Variants in SEC61A2 observed in about 807,000 individuals in gnomAD.
SEC61A2 encodes the protein SEC61 translocon subunit alpha 2.
In SEC61A2, 28 loss-of-function variants were observed where a neutral mutation model predicts 59.9. The ratio of observed to expected loss-of-function variants is 0.47; its 90% CI spans 0.35 to 0.64. SEC61A2 has a LOEUF of 0.64. SEC61A2 is among the 30% of genes least tolerant of loss of function. SEC61A2 has a pLI of 0.01. For synonymous variants in SEC61A2, 202 were observed against 214.4 expected (o/e 0.94, Z 0.50); for missense variants, 340 against 585.9 (o/e 0.58, Z 4.33).
rs1378510150 is a variant in SEC61A2 at position 12,145,025 on chromosome 10, G to T, written c.220+1830G>T. On this transcript the variant is annotated intron_variant, in intron 4 of 11. Transcript: ENST00000298428. This position sits in a 1 kb window ranked among gnomAD's most constrained non-coding sequence, Gnocchi z 4.4. ...GATCACGCCACTGCACTCTAGCCGGGGCGACACAACCAGACCCTGTCTCAA... is the reference window on the plus strand; with the variant it reads ...GATCACGCCACTGCACTCTAGCCGGTGCGACACAACCAGACCCTGTCTCAA... Among the ~76,000 whole-genome samples, 3 of 152,028 alleles carry T rather than the reference G, an allele frequency of 2.0e-5. No homozygotes were observed. Among genetic ancestry groups the T allele is most frequent in the Non-Finnish European group, 4.4e-5 (3 of 68,002 alleles).
rs1834300216 is a variant in SEC61A2, at chr10:12,152,525, C to T, written c.462+2564C>T. ...CTGTAATTCCAGCACTTTGAGAGGCCGAGATGGGCAGTTCACTTGAGGTCA... is the reference window on the plus strand; with the variant it reads ...CTGTAATTCCAGCACTTTGAGAGGCTGAGATGGGCAGTTCACTTGAGGTCA... On this transcript the variant is annotated intron_variant, in intron 6 of 11. Transcript: ENST00000298428. The surrounding 1 kb of genome is among the most constrained non-coding windows in gnomAD (Gnocchi z 5.5). Among the ~76,000 whole-genome samples, 1 of 151,942 alleles carries T rather than the reference C, an allele frequency of 6.6e-6. No homozygotes were observed. The highest frequency in any genetic ancestry group is 1.5e-5 in the Non-Finnish European group (1 of 67,990).
intron 2 of SEC61A2, 47 bp from the exon 3 acceptor site, chr10:12,136,058 G>T (rs2131645841): frequency 1.5e-6 from 2 of 1,307,200 alleles, no homozygotes; most frequent in Non-Finnish European, 2.2e-6. Context: ...CCAAAAATTT[G>T]CTGTTTCTTG....
At chr10:12,144,300 TGAG>T (rs1834089796) in intron 4 of SEC61A2, among the ~76,000 whole-genome samples, 2 of 152,206 alleles carry the variant, frequency 1.3e-5, no homozygotes, top group Admixed American at 6.5e-5. Context: ...GACTATCAAT[TGAG>T]GCCTTTTCTT....
Position 12,155,219 on chromosome 10 carries a change from T to C in SEC61A2, c.463-559T>C. On this transcript the variant is annotated intron_variant, in intron 6 of 11. Coordinates refer to ENST00000298428, the MANE Select transcript of SEC61A2 (RefSeq NM_018144.4). The surrounding 1 kb of genome is among the most constrained non-coding windows in gnomAD (Gnocchi z 4.3). ...ATTTTTACATTGCTGCTCGAGTACGTATTTGAGTACATATTTGTGTTCTAG... is the reference window on the plus strand; with the variant it reads ...ATTTTTACATTGCTGCTCGAGTACGCATTTGAGTACATATTTGTGTTCTAG... 2.4e-6 allele frequency: 2 copies of C among 821,994 alleles called. No individual in the cohort carries two copies. The highest frequency in any genetic ancestry group is 3.4e-6 in the Non-Finnish European group (2 of 587,606). The allele number at this position is 821,994 out of a possible 1,614,324, so 50.9% of individuals were successfully genotyped here. A position where few individuals can be genotyped will look rare whatever the true frequency, so the allele number is the denominator to read the frequency against.
At position 12,149,096 on chromosome 10, in the gene SEC61A2, T is replaced by G. The variant is rs1048719858; in HGVS notation, c.221-499T>G. Among the ~76,000 whole-genome samples the G allele has an allele frequency of 6.6e-6, 1 of 152,092 alleles. No homozygotes were observed. Among genetic ancestry groups the G allele is most frequent in the African/African-American group, 2.4e-5 (1 of 41,418 alleles). On this transcript the variant is annotated intron_variant, in intron 4 of 11. Transcript: ENST00000298428. The surrounding 1 kb of genome is among the most constrained non-coding windows in gnomAD (Gnocchi z 5.2). ...TTTCTCCCTATAAATTCTTTTTTTT[T>G]GGTTTGTTTTTGAGATGGAGTCTCA...
At position 12,164,249 on chromosome 10, in the gene SEC61A2, T is replaced by A. The variant is rs746913284; in HGVS notation, c.1245-19T>A. ...TTCCTGGTCTCTGCTGCCGCCTAACTTGGGGTTCTGTCTCCTAGGTACATC... is the reference window on the plus strand; with the variant it reads ...TTCCTGGTCTCTGCTGCCGCCTAACATGGGGTTCTGTCTCCTAGGTACATC... On this transcript the variant is annotated intron_variant, in intron 11 of 11. Transcript: ENST00000298428. The surrounding 1 kb of genome is among the most constrained non-coding windows in gnomAD (Gnocchi z 7.3). The A allele has an allele frequency of 6.2e-7, 1 of 1,611,616 alleles. No individual in the cohort carries two copies. Among genetic ancestry groups the A allele is most frequent in the Non-Finnish European group, 8.5e-7 (1 of 1,179,752 alleles).
Position 12,152,269 on chromosome 10 carries a change from G to A in SEC61A2, c.462+2308G>A, listed in dbSNP as rs1284375717. Among the ~76,000 whole-genome samples, 1 of 151,928 alleles carries A rather than the reference G, an allele frequency of 6.6e-6. No individual in the cohort carries two copies. Among genetic ancestry groups the A allele is most frequent in the African/African-American group, 2.4e-5 (1 of 41,376 alleles). On this transcript the variant is annotated intron_variant, in intron 6 of 11. Coordinates refer to ENST00000298428, the MANE Select transcript of SEC61A2 (RefSeq NM_018144.4). This position sits in a 1 kb window ranked among gnomAD's most constrained non-coding sequence, Gnocchi z 5.5. ...CTAGTTGTGTATTTTTAGTAGAGAT[G>A]GGATTTTGCCGTGTTGGCCAGGCTG...
Position 12,143,060 on chromosome 10 carries a change from C to A in SEC61A2, c.142-57C>A. 7.3e-7 allele frequency: 1 copy of A among 1,363,196 alleles called. No individual in the cohort carries two copies. Among genetic ancestry groups the A allele is most frequent in the Non-Finnish European group, 1.0e-6 (1 of 953,560 alleles). The allele number at this position is 1,363,196 out of a possible 1,614,324, so 84.4% of individuals were successfully genotyped here. A position where few individuals can be genotyped will look rare whatever the true frequency, so the allele number is the denominator to read the frequency against. Reference sequence around the variant, plus strand: ...CTTTGCCTCCTGGGTTCAAGCGATTCTTATGCCTCAGCCTTATATAATACA... The same window carrying A: ...CTTTGCCTCCTGGGTTCAAGCGATTATTATGCCTCAGCCTTATATAATACA... On this transcript the variant is annotated intron_variant, in intron 3 of 11. Coordinates refer to ENST00000298428, the MANE Select transcript of SEC61A2 (RefSeq NM_018144.4). The surrounding 1 kb of genome is among the most constrained non-coding windows in gnomAD (Gnocchi z 4.8).
Position 12,152,536 on chromosome 10 carries a change from G to A in SEC61A2, c.462+2575G>A, listed in dbSNP as rs2131671562. 6.6e-6 allele frequency among the ~76,000 whole-genome samples: 1 copy of A among 152,262 alleles called. No homozygotes were observed. The highest frequency in any genetic ancestry group is 1.9e-4 in the East Asian group (1 of 5,180). On this transcript the variant is annotated intron_variant, in intron 6 of 11. Transcript: ENST00000298428. The surrounding 1 kb of genome is among the most constrained non-coding windows in gnomAD (Gnocchi z 5.5). ...GCACTTTGAGAGGCCGAGATGGGCA[G>A]TTCACTTGAGGTCAGGAGTTTGAGA...
intron 11 of SEC61A2, among the ~76,000 whole-genome samples, chr10:12,163,012 T>C (rs1436984619): frequency 6.6e-6 from 1 of 152,234 alleles, no homozygotes; most frequent in Non-Finnish European, 1.5e-5. Context: ...GATAGAAATC[T>C]GGGTTGTTTC....
intron 4 of SEC61A2, among the ~76,000 whole-genome samples, chr10:12,147,562 G>A (rs924829747): frequency 2.6e-5 from 4 of 151,950 alleles, no homozygotes; most frequent in African/African-American, 9.7e-5. Flanking sequence ...GCTTACGCCA[G>A]TAATCTCAGG....
chr10:12,149,455 G>A lies in SEC61A2; in HGVS notation c.221-140G>A, dbSNP rs1243042190. The A allele has an allele frequency of 2.6e-6, 2 of 756,634 alleles. No homozygotes were observed. 46.9% of individuals were successfully genotyped at this position (756,634 alleles called of 1,614,324 possible). ...AATAAATGAGAACTTTTCTTAGCAA[G>A]TAGTGTTTAAGAAATGAAAATTTGC... is the stretch of plus-strand genomic sequence containing the variant. On this transcript the variant is annotated intron_variant, in intron 4 of 11. Transcript: ENST00000298428. This position sits in a 1 kb window ranked among gnomAD's most constrained non-coding sequence, Gnocchi z 5.2.
At chr10:12,168,485 A>G (rs980053353), downstream of SEC61A2, among the ~76,000 whole-genome samples, 4 of 152,168 alleles carry the variant, frequency 2.6e-5, no homozygotes, top group African/African-American at 9.7e-5. This position sits in a 1 kb window ranked among gnomAD's most constrained non-coding sequence, Gnocchi z 4.8. Context: ...GGGGATACAT[A>G]TGTTCCCCCG....
In SEC61A2 at chr10:12,129,896, G is replaced by T; in HGVS notation, c.7+102G>T. On this transcript the variant is annotated intron_variant, in intron 1 of 11. Coordinates refer to ENST00000298428, the MANE Select transcript of SEC61A2 (RefSeq NM_018144.4). The surrounding 1 kb of genome is among the most constrained non-coding windows in gnomAD (Gnocchi z 5.6). ...GCTCGCTCGGAGTCGTGGGGGCCAG[G>T]GATGCGCGGGCCGCTCCGGGCCTCA... 2.8e-6 allele frequency: 3 copies of T among 1,078,398 alleles called. No individual in the cohort carries two copies. Among genetic ancestry groups the T allele is most frequent in the South Asian group, 2.4e-5 (1 of 41,388 alleles). 66.8% of individuals were successfully genotyped at this position (1,078,398 alleles called of 1,614,324 possible). A position where few individuals can be genotyped will look rare whatever the true frequency, so the allele number is the denominator to read the frequency against.
In SEC61A2 at chr10:12,164,507, C is replaced by T. The variant is rs1253072063; in HGVS notation, c.*53C>T. 9.6e-6 allele frequency: 15 copies of T among 1,569,536 alleles called. No individual in the cohort carries two copies. The highest frequency in any genetic ancestry group is 3.6e-5 in the South Asian group (3 of 83,876). On this transcript the variant is annotated 3_prime_UTR_variant, in exon 12 of 12. Coordinates refer to ENST00000298428, the MANE Select transcript of SEC61A2 (RefSeq NM_018144.4). This position sits in a 1 kb window ranked among gnomAD's most constrained non-coding sequence, Gnocchi z 7.3. ...TGAAAGGGAAAACACTTTGACGGAT[C>T]GTTTTTGTCAGATGACACTGGTGGC...
chr10:12,167,566 C>A, downstream of SEC61A2: 1 of 754,454 alleles, frequency 1.3e-6, no homozygotes, highest in South Asian at 1.9e-5. Flanking sequence ...TTCCATACCA[C>A]CACCACATCT....
chr10:12,134,901 A>G (rs1365485783), intron 2 of SEC61A2, among the ~76,000 whole-genome samples: 3 of 151,390 alleles, frequency 2.0e-5, no homozygotes, highest in Non-Finnish European at 4.4e-5. Flanking sequence ...CCTGGGCAAC[A>G]GGGTGAGACT....
chr10:12,146,963 C>T (rs914795245), intron 4 of SEC61A2, among the ~76,000 whole-genome samples: 1 of 152,116 alleles, frequency 6.6e-6, no homozygotes. Context: ...GTGCAAACAG[C>T]TCACTGCAGC....
chr10:12,146,580 C>T (rs551935880), intron 4 of SEC61A2, among the ~76,000 whole-genome samples: 8 of 151,856 alleles, frequency 5.3e-5, no homozygotes, highest in East Asian at 3.9e-4. Context: ...TGCAGTGGCG[C>T]GATGTCAGCT....
Sources: gnomAD v4.1 joint callset for allele counts (sites outside exome capture counted in the v4.1 genomes callset) on GRCh38, gnomAD v4.1.1 for gene constraint, Gnocchi (gnomAD v3.1) non-coding constraint, MANE v1.5 for transcripts, NCBI Gene and HGNC (gene_info 2026-07-23, HGNC 2026-07-21) for gene names.